LRP2: variants seen among roughly 807,000 people sequenced by gnomAD.
The protein encoded by LRP2 is LDL receptor related protein 2, also known as low-density lipoprotein receptor-related protein 2.
In LRP2, 172 loss-of-function variants were observed where a neutral mutation model predicts 531.0. The ratio of observed to expected loss-of-function variants is 0.32; its 90% CI spans 0.29 to 0.37. The LOEUF (loss-of-function observed/expected upper bound fraction) is 0.37, where lower values mean the gene tolerates loss of function less well. Among genes scored for constraint, LRP2 ranks in the 10% least tolerant of loss-of-function variants. The pLI is 1.00. For missense variants in LRP2, 5,167 were observed against 5,868.3 expected, an observed-to-expected ratio of 0.88 and a Z score of 3.90; for synonymous variants, 1,992 against 2,027.6, an observed-to-expected ratio of 0.98 and a Z score of 0.47.
At chr2:169,313,521 C>A (rs1317711189) in intron 3 of LRP2, among the ~76,000 whole-genome samples, 1 of 152,212 alleles carries the variant, frequency 6.6e-6, no homozygotes, top group East Asian at 1.9e-4. Flanking sequence ...GTCTGCAGAA[C>A]TGCAAATATT....
chr2:169,156,042 C>G (rs1339098770), intron 65 of LRP2, among the ~76,000 whole-genome samples: 1 of 151,870 alleles, frequency 6.6e-6, no homozygotes, highest in Non-Finnish European at 1.5e-5. Context: ...ACACCTGGCT[C>G]TTGTTTTAAT....
chr2:169,302,990 G>A (rs1184631055), intron 4 of LRP2, among the ~76,000 whole-genome samples: 2 of 151,976 alleles, frequency 1.3e-5, no homozygotes, highest in African/African-American at 4.8e-5. Flanking sequence ...TTATGATTAT[G>A]TTTCAGTCCT....
At chr2:169,328,010 AGGTGGGGG>A (rs1685152395) in intron 1 of LRP2, among the ~76,000 whole-genome samples, 1 of 63,602 alleles carries the variant, frequency 1.6e-5, no homozygotes, top group Non-Finnish European at 3.0e-5. Flanking sequence ...TCCGGGAGGG[AGGTGGGGG>A]GGGGTCAGCC....
intron 17 of LRP2, 92 bp downstream of exon 17, chr2:169,258,933 G>T (rs1690421064): frequency 9.1e-7 from 1 of 1,103,506 alleles, no homozygotes; most frequent in Non-Finnish European, 1.4e-6. Context: ...TCTTATATTT[G>T]CTGAACTTAC....
At chr2:169,178,736 A>G (rs1687310229) in intron 52 of LRP2, among the ~76,000 whole-genome samples, 2 of 152,220 alleles carry the variant, frequency 1.3e-5, no homozygotes, top group South Asian at 4.1e-4. Flanking sequence ...CTGTGGGTCT[A>G]TATCAGAAAT....
chr2:169,359,519 T>C (rs1686087682), intron 1 of LRP2, among the ~76,000 whole-genome samples: 1 of 152,184 alleles, frequency 6.6e-6, no homozygotes, highest in Non-Finnish European at 1.5e-5. Flanking sequence ...AGTGCTTAAA[T>C]AAAGGCTGTT....
chr2:169,138,865 G>T (rs1049311364), intron 74 of LRP2, among the ~76,000 whole-genome samples, 159 bp from the exon 75 acceptor site: 1 of 152,136 alleles, frequency 6.6e-6, no homozygotes, highest in African/African-American at 2.4e-5. Flanking sequence ...GTCAAATATG[G>T]TAGTAAGTTC....
At chr2:169,335,659 A>T (rs1249686341) in intron 1 of LRP2, among the ~76,000 whole-genome samples, 1 of 152,190 alleles carries the variant, frequency 6.6e-6, no homozygotes, top group Non-Finnish European at 1.5e-5. Context: ...AATAGAAGAA[A>T]AAAAAAGGAA....
chr2:169,290,264 CTTTTTT>C (rs11463198), intron 8 of LRP2, among the ~76,000 whole-genome samples: 17 of 56,946 alleles, frequency 3.0e-4, no homozygotes, highest in Admixed American at 3.0e-4. Flanking sequence ...GAACCAGAAG[CTTTTTT>C]TTTTTTTTTT....
At position 169,168,683 on chromosome 2, in the gene LRP2, TG is replaced by T; in HGVS notation, c.11498-8del. 6.2e-7 allele frequency: 1 copy of T among 1,612,650 alleles called. No homozygotes were observed. Among genetic ancestry groups the T allele is most frequent in the Non-Finnish European group, 8.5e-7 (1 of 1,179,032 alleles). On this transcript the variant is annotated splice_region_variant and splice_polypyrimidine_tract_variant and intron_variant, in intron 60 of 78. Coordinates refer to ENST00000649046, the MANE Select transcript of LRP2 (RefSeq NM_004525.3). ...CCATCAGGAAAGCGTGTGGCTGCCA[TG>T]GGGGAAAAAAACATATTCAAATTAT...
chr2:169,177,132 A>G (rs1461081715), intron 53 of LRP2, among the ~76,000 whole-genome samples: 1 of 152,210 alleles, frequency 6.6e-6, no homozygotes, highest in Admixed American at 6.5e-5. Context: ...TTATTTTGCT[A>G]ATTCTCATTT....
In LRP2 at chr2:169,280,515, G is replaced by A. The variant is rs369145798; in HGVS notation, c.1176C>T (p.Gly392=). ...GQYCKANDSF[G]EASIIFSNGR... is the part of the protein sequence containing the mutation. ...CATTGGAGAAGATAATGGAGGCCTC[G>A]CCAACTAAATGCGAAGAAGGAAGGC... Residue 392 remains glycine, a synonymous_variant, in exon 11 of 79, where the codon GGC becomes GGT. Coordinates refer to ENST00000649046, the MANE Select transcript of LRP2 (RefSeq NM_004525.3). The A allele has an allele frequency of 1.2e-4, 198 of 1,613,934 alleles. No individual in the cohort carries two copies. The African/African-American group carries it at 2.1e-3, about 17-fold the overall frequency.
chr2:169,321,726 A>T (rs1684913160), intron 1 of LRP2, among the ~76,000 whole-genome samples: 1 of 152,156 alleles, frequency 6.6e-6, no homozygotes, highest in South Asian at 2.1e-4. Flanking sequence ...AATTTTTTTT[A>T]AACCAAAGAG....
In LRP2 at chr2:169,154,512, C is replaced by G; in HGVS notation, c.12243G>C (p.Glu4081Asp). 1 of 1,612,850 alleles carries G rather than the reference C, an allele frequency of 6.2e-7. No homozygotes were observed. Among genetic ancestry groups the G allele is most frequent in the Non-Finnish European group, 8.5e-7 (1 of 1,178,974 alleles). The change falls in exon 66 of 79, where the codon GAG becomes GAC. Residue 4081 changes from glutamate to aspartate, a missense_variant. Coordinates refer to ENST00000649046, the MANE Select transcript of LRP2 (RefSeq NM_004525.3). ...SERFSEYLQD[E>D]EYIQAVDYDW... ...CATAATCAACAGCTTGGATATATTC[C>G]TCATCTTGAAGATACTCTGAGAACC...
chr2:169,269,220 C>G (rs939069492), intron 16 of LRP2, among the ~76,000 whole-genome samples: 1 of 152,174 alleles, frequency 6.6e-6, no homozygotes, highest in African/African-American at 2.4e-5. Flanking sequence ...ATCAAGCTAC[C>G]AATGACTTTC....
chr2:169,166,435 T>C (rs930591825), intron 61 of LRP2, among the ~76,000 whole-genome samples: 3 of 152,164 alleles, frequency 2.0e-5, no homozygotes, highest in Admixed American at 2.0e-4. Context: ...ATGGCAGGTC[T>C]CTGGACCTGA....
At position 169,238,292 on chromosome 2, in the gene LRP2, A is replaced by T. The variant is rs1559034047; in HGVS notation, c.4305T>A (p.Ser1435Arg). 1 of 1,613,184 alleles carries T rather than the reference A, an allele frequency of 6.2e-7. No individual in the cohort carries two copies. The highest frequency in any genetic ancestry group is 8.5e-7 in the Non-Finnish European group (1 of 1,179,180). ...TCTGACTTGCCACAAGTAACAGCAG[A>T]CTCTCAGATGCTGTTCAAGAAAAAA... ...GRTCKVTASE[S>R]LLLLVASQNK... The change falls in exon 27 of 79, where the codon AGT becomes AGA. Residue 1435 changes from serine to arginine, a missense_variant. Transcript: ENST00000649046.
At chr2:169,332,933 A>G (rs1221819305) in intron 1 of LRP2, among the ~76,000 whole-genome samples, 1 of 152,230 alleles carries the variant, frequency 6.6e-6, no homozygotes, top group East Asian at 1.9e-4. Context: ...ACTGAGTTGC[A>G]CACACAGGCA....
intron 34 of LRP2, among the ~76,000 whole-genome samples, chr2:169,218,349 T>G (rs980817770): frequency 2.6e-5 from 4 of 152,176 alleles, no homozygotes; most frequent in African/African-American, 9.6e-5. Flanking sequence ...AGTGAAATTC[T>G]AGGTATGCTT....
Sources: gnomAD v4.1 joint callset for allele counts (sites outside exome capture counted in the v4.1 genomes callset) on GRCh38, gnomAD v4.1.1 for gene constraint, MANE v1.5 for transcripts, NCBI Gene and HGNC (gene_info 2026-07-23, HGNC 2026-07-21) for gene names.